The following STAU2 variants were observed in gnomAD, a reference collection of about 807,000 sequenced individuals.
STAU2 encodes double-stranded RNA-binding protein Staufen homolog 2.
A neutral mutation model predicts 65.9 loss-of-function variants in STAU2; 20 were observed. The observed-to-expected ratio is 0.30, with a 90% CI of 0.21 to 0.44. The LOEUF (loss-of-function observed/expected upper bound fraction) is 0.44, where lower values mean the gene tolerates loss of function less well. STAU2 is among the 20% of genes least tolerant of loss of function. STAU2 has a pLI of 1.00. For missense variants in STAU2, 558 were observed against 683.9 expected (o/e 0.82, Z 2.05); for synonymous variants, 232 against 233.9 (o/e 0.99, Z 0.07).
chr8:73,679,304 G>A (rs186376739), intron 5 of STAU2, among the ~76,000 whole-genome samples: 213 of 152,268 alleles, frequency 1.4e-3, no homozygotes, highest in Non-Finnish European at 2.4e-3. Flanking sequence ...CTCCCACTCA[G>A]GACAAAACAG....
At chr8:73,660,454 T>A (rs1322584733) in intron 6 of STAU2, among the ~76,000 whole-genome samples, 1 of 152,176 alleles carries the variant, frequency 6.6e-6, no homozygotes, top group Admixed American at 6.5e-5. Flanking sequence ...TGGTGATCCC[T>A]GGGCCTGCCT....
Position 73,589,585 on chromosome 8 carries a change from T to C in STAU2, c.1161+5581A>G, listed in dbSNP as rs1810622515. On this transcript the variant is annotated intron_variant, in intron 11 of 14. Coordinates refer to ENST00000524300, the MANE Select transcript of STAU2 (RefSeq NM_001164380.2). The stretch of plus-strand genomic sequence containing the variant: ...CGAAAAATATTAGAGATCAAAACAT[T>C]GATGTCATTATTAATAATGCATTAA... 2.0e-5 allele frequency among the ~76,000 whole-genome samples: 3 copies of C among 152,278 alleles called. No homozygotes were observed. In the South Asian group the frequency reaches 6.2e-4, roughly 32 times the overall value.
chr8:73,659,818 AAGAT>A (rs1467024637), intron 6 of STAU2, among the ~76,000 whole-genome samples: 1 of 152,196 alleles, frequency 6.6e-6, no homozygotes, highest in African/African-American at 2.4e-5. Context: ...TAGGACTAGA[AAGAT>A]AGACCCCTTG....
intron 1 of STAU2, among the ~76,000 whole-genome samples, chr8:73,746,197 C>T (rs968584917): frequency 5.9e-5 from 9 of 152,216 alleles, no homozygotes; most frequent in Non-Finnish European, 1.3e-4. Context: ...TTACCACTAG[C>T]CCATTCTACA....
chr8:73,522,005 A>T (rs192816292), intron 13 of STAU2, among the ~76,000 whole-genome samples: 26 of 152,320 alleles, frequency 1.7e-4, no homozygotes, highest in African/African-American at 6.3e-4. Context: ...CATGTATATG[A>T]AGCAAGTAAG....
At chr8:73,653,983 G>A in intron 6 of STAU2, 1 of 281,224 alleles carries the variant, frequency 3.6e-6, no homozygotes, top group Non-Finnish European at 7.1e-6. Context: ...TAGGAAGAGG[G>A]AAGGGGAGGG....
chr8:73,434,141 T>C (rs1003086514), intron 13 of STAU2, among the ~76,000 whole-genome samples: 3 of 151,688 alleles, frequency 2.0e-5, no homozygotes, highest in African/African-American at 7.3e-5. Context: ...AAGATGTGGC[T>C]AGGGACAAAG....
At chr8:73,510,417 T>C (rs1822324134) in intron 13 of STAU2, among the ~76,000 whole-genome samples, 1 of 152,152 alleles carries the variant, frequency 6.6e-6, no homozygotes, top group Admixed American at 6.5e-5. Context: ...TTTGGACAAA[T>C]AGTCAAATTT....
At chr8:73,625,020 T>G (rs1359353199) in intron 6 of STAU2, among the ~76,000 whole-genome samples, 1 of 151,342 alleles carries the variant, frequency 6.6e-6, no homozygotes, top group Non-Finnish European at 1.5e-5. Context: ...CAAACCACAA[T>G]AAGACACTAC....
intron 3 of STAU2, among the ~76,000 whole-genome samples, chr8:73,718,089 A>G (rs2130692863): frequency 6.6e-6 from 1 of 152,344 alleles, no homozygotes; most frequent in South Asian, 2.1e-4. Flanking sequence ...CATTGCTCCC[A>G]GGGGAACTAA....
intron 10 of STAU2, among the ~76,000 whole-genome samples, chr8:73,600,321 G>A (rs941002561): frequency 6.6e-6 from 1 of 152,124 alleles, no homozygotes; most frequent in Non-Finnish European, 1.5e-5. Context: ...GTTTAAACCT[G>A]TGAAATATTT....
chr8:73,555,558 A>G (rs1381358370), intron 12 of STAU2, among the ~76,000 whole-genome samples: 3 of 152,208 alleles, frequency 2.0e-5, no homozygotes, highest in Non-Finnish European at 2.9e-5. Context: ...CAACAACAAA[A>G]ACAACAACAA....
At chr8:73,641,388 T>A in intron 6 of STAU2, among the ~76,000 whole-genome samples, 1 of 152,038 alleles carries the variant, frequency 6.6e-6, no homozygotes. Context: ...AAAAGAATCC[T>A]GGTAGTTTCA....
intron 6 of STAU2, chr8:73,652,218 C>G (rs1264265759): frequency 1.3e-5 from 2 of 152,074 alleles, no homozygotes; most frequent in African/African-American, 4.8e-5. Context: ...CAAACTCAGG[C>G]AGATAATTTC....
chr8:73,452,749 C>T (rs1403846807), intron 13 of STAU2, among the ~76,000 whole-genome samples: 4 of 152,168 alleles, frequency 2.6e-5, no homozygotes, highest in Non-Finnish European at 5.9e-5. Context: ...CATTGCTTTT[C>T]TGAGTGAATT....
chr8:73,557,692 G>A (rs1239717176), intron 12 of STAU2, among the ~76,000 whole-genome samples: 1 of 152,054 alleles, frequency 6.6e-6, no homozygotes, highest in African/African-American at 2.4e-5. Flanking sequence ...TTCTCATGTA[G>A]CTACTTTAGG....
chr8:73,451,895 A>C (rs935959284), intron 13 of STAU2, among the ~76,000 whole-genome samples: 1 of 152,242 alleles, frequency 6.6e-6, no homozygotes, highest in Admixed American at 6.5e-5. Context: ...GCTGGAGTTA[A>C]AGGAGCTTGG....
chr8:73,656,596 A>T (rs574853869), intron 6 of STAU2, among the ~76,000 whole-genome samples: 48 of 152,360 alleles, frequency 3.2e-4, no homozygotes, highest in African/African-American at 1.1e-3. Context: ...GGTAGAAAAC[A>T]TCAAAATATT....
intron 3 of STAU2, among the ~76,000 whole-genome samples, chr8:73,713,120 C>T (rs1821011457): frequency 6.6e-6 from 1 of 152,108 alleles, no homozygotes; most frequent in African/African-American, 2.4e-5. Context: ...TGATACGAAA[C>T]TTGGTTAGAT....
Sources: allele counts gnomAD v4.1 joint callset (sites outside exome capture counted in the v4.1 genomes callset), GRCh38; gene constraint gnomAD v4.1.1; transcripts MANE v1.5; gene names NCBI Gene and HGNC (gene_info 2026-07-23, HGNC 2026-07-21).